Variants in ANKS1A observed in about 807,000 individuals in gnomAD.
ANKS1A encodes the protein ankyrin repeat and SAM domain-containing protein 1A.
In ANKS1A, 55 loss-of-function variants were observed where a neutral mutation model predicts 120.3. The ratio of observed to expected loss-of-function variants is 0.46; its 90% confidence interval spans 0.37 to 0.57. The LOEUF is 0.57. Ranked by LOEUF, ANKS1A falls within the 20% of genes least tolerant of loss-of-function variation. The pLI, the probability that ANKS1A is intolerant of heterozygous loss-of-function variation, is 0.00. For missense variants in ANKS1A, 1,123 were observed against 1,480.3 expected, an observed-to-expected ratio of 0.76 and a Z score of 3.96; for synonymous variants, 590 against 604.7, an observed-to-expected ratio of 0.98 and a Z score of 0.36.
rs1188264988 is a variant in ANKS1A at position 35,090,023 on chromosome 6, T to C, written c.*1414T>C. The C allele has an allele frequency of 4.1e-6, 5 of 1,225,122 alleles. No individual in the cohort carries two copies. Among genetic ancestry groups the C allele is most frequent in the Non-Finnish European group, 5.2e-6 (5 of 957,014 alleles). 75.9% of individuals were successfully genotyped at this position (1,225,122 alleles called of 1,614,324 possible). A position where few individuals can be genotyped will look rare whatever the true frequency, so the allele number is the denominator to read the frequency against. ...TACTGTTAGGCACATTCTTAACCCA[T>C]GTGGTTGGCCAGAAATCAGAAGTGG... On this transcript the variant is annotated 3_prime_UTR_variant, in exon 24 of 24. Transcript: ENST00000360359.
At chr6:34,921,030 G>A (rs774311432) in intron 1 of ANKS1A, among the ~76,000 whole-genome samples, 1 of 152,208 alleles carries the variant, frequency 6.6e-6, no homozygotes, top group Non-Finnish European at 1.5e-5. Context: ...AAAACAATGA[G>A]ACTATCATGC....
intron 14 of ANKS1A, 66 bp downstream of exon 14, chr6:35,078,722 G>A (rs1777500769): frequency 1.4e-6 from 2 of 1,471,938 alleles, no homozygotes; most frequent in Non-Finnish European, 9.4e-7. Context: ...AGCACCACCT[G>A]CACCAAGAAC....
At chr6:35,034,821 G>T (rs114603428) in intron 11 of ANKS1A, among the ~76,000 whole-genome samples, 5 of 152,212 alleles carry the variant, frequency 3.3e-5, no homozygotes, top group African/African-American at 1.2e-4. Context: ...AGCCTGAGCC[G>T]AGTGATGATT....
rs2127538963 is a variant in ANKS1A at position 34,994,559 on chromosome 6, G to C, written c.1423+137G>C. On this transcript the variant is annotated intron_variant, in intron 10 of 23. Transcript: ENST00000360359. ...GTTGGGTTTCACGATGATCTGGGATGGTGGGTCCATTATGGCTTTTCATTT... is the reference window on the plus strand; with the variant it reads ...GTTGGGTTTCACGATGATCTGGGATCGTGGGTCCATTATGGCTTTTCATTT... The C allele has an allele frequency of 2.3e-6, 3 of 1,326,942 alleles. No individual in the cohort carries two copies. In the East Asian group the frequency reaches 8.4e-5, roughly 37 times the overall value. The allele number at this position is 1,326,942 out of a possible 1,614,324, so 82.2% of individuals were successfully genotyped here. A position where few individuals can be genotyped will look rare whatever the true frequency, so the allele number is the denominator to read the frequency against.
intron 1 of ANKS1A, among the ~76,000 whole-genome samples, chr6:34,910,477 C>T (rs35057781): frequency 0.073 from 11,086 of 152,218 alleles, 610 homozygotes; most frequent in East Asian, 0.23. Context: ...GGGAGGATCA[C>T]TTGAGCCTCG....
In ANKS1A at chr6:35,057,771, T is replaced by G. The variant is rs74937820; in HGVS notation, c.2078-2376T>G. On this transcript the variant is annotated intron_variant, in intron 12 of 23. Coordinates refer to ENST00000360359, the MANE Select transcript of ANKS1A (RefSeq NM_015245.3). This position sits in a 1 kb window ranked among gnomAD's most constrained non-coding sequence, Gnocchi z 4.1. ...CTAAGGAACATCAAGTGTAACGGCC[T>G]TATTTCATTGCCTGTTTTTATAAGA... is the stretch of plus-strand genomic sequence containing the variant. Among the ~76,000 whole-genome samples, 7,189 of 152,306 alleles carry G rather than the reference T, an allele frequency of 0.047. 233 individuals are homozygous for G. The highest frequency in any genetic ancestry group is 0.078 in the Non-Finnish European group (5,281 of 68,026).
intron 1 of ANKS1A, among the ~76,000 whole-genome samples, chr6:34,943,296 CAG>C (rs1769623947): frequency 6.6e-6 from 1 of 152,172 alleles, no homozygotes; most frequent in Non-Finnish European, 1.5e-5. Flanking sequence ...TCAAAAAGTA[CAG>C]AGAGTTCCCA....
chr6:34,924,090 CGTGTGTGTGTGTGTGTGTGTGT>C (rs71794086), intron 1 of ANKS1A, among the ~76,000 whole-genome samples: 1 of 143,174 alleles, frequency 7.0e-6, no homozygotes, highest in African/African-American at 2.6e-5. Context: ...GGGGCTTTTT[CGTGTGTGTGTGTGTGTGTGTGT>C]GTGTGTGTGT....
intron 1 of ANKS1A, among the ~76,000 whole-genome samples, chr6:34,944,817 A>T (rs1329288020): frequency 6.6e-6 from 1 of 152,224 alleles, no homozygotes; most frequent in East Asian, 1.9e-4. Flanking sequence ...TATTTTGGAT[A>T]TATATCCTTT....
chr6:34,939,321 G>T (rs1336956114), intron 1 of ANKS1A, among the ~76,000 whole-genome samples: 2 of 152,138 alleles, frequency 1.3e-5, no homozygotes, highest in African/African-American at 4.8e-5. Flanking sequence ...CCTCACTGGA[G>T]TGATTTCACA....
chr6:35,088,182 G>A (rs949434468), intron 23 of ANKS1A, among the ~76,000 whole-genome samples: 5 of 152,232 alleles, frequency 3.3e-5, no homozygotes, highest in Non-Finnish European at 5.9e-5. Flanking sequence ...AGGAGAGGCC[G>A]TCCCATCGCA....
At chr6:34,981,567 TA>T in intron 3 of ANKS1A, 122 bp from the exon 4 acceptor site, 1 of 1,061,374 alleles carries the variant, frequency 9.4e-7, no homozygotes, top group Non-Finnish European at 1.3e-6. Flanking sequence ...CGACTTTTAT[TA>T]GCCCCCAAGT....
chr6:35,046,047 C>T lies in ANKS1A; in HGVS notation c.2011-8052C>T, dbSNP rs1056038240. On this transcript the variant is annotated intron_variant, in intron 11 of 23. Transcript: ENST00000360359. ...TCTAATTTTATTTGATTTCAGGAGA[C>T]AGAGGATACAAACATATTCTACTAG... 3.3e-5 allele frequency among the ~76,000 whole-genome samples: 5 copies of T among 152,154 alleles called. No individual in the cohort carries two copies. In the South Asian group the frequency reaches 1.0e-3, roughly 32 times the overall value.
Position 35,086,691 on chromosome 6 carries a change from G to A in ANKS1A, c.3304-261G>A, listed in dbSNP as rs1030683070. On this transcript the variant is annotated intron_variant, in intron 22 of 23. Coordinates refer to ENST00000360359, the MANE Select transcript of ANKS1A (RefSeq NM_015245.3). This position sits in a 1 kb window ranked among gnomAD's most constrained non-coding sequence, Gnocchi z 5.1. ...GTCTGGGGCTTAGAGCAGGAGGCCC[G>A]CCTAGGACAGGGGTCCTTTAACTGA... Among the ~76,000 whole-genome samples the A allele has an allele frequency of 3.3e-5, 5 of 152,150 alleles. No individual in the cohort carries two copies. Among genetic ancestry groups the A allele is most frequent in the Non-Finnish European group, 5.9e-5 (4 of 68,014 alleles).
intron 1 of ANKS1A, among the ~76,000 whole-genome samples, chr6:34,905,498 A>C (rs915132574): frequency 2.7e-5 from 4 of 150,696 alleles, no homozygotes; most frequent in Middle Eastern, 3.4e-3. Context: ...TTGAGCACTT[A>C]ATACTTTGTC....
chr6:34,891,042 G>A (rs573100622), intron 1 of ANKS1A, among the ~76,000 whole-genome samples: 2 of 152,308 alleles, frequency 1.3e-5, no homozygotes, highest in South Asian at 4.1e-4. Context: ...AATGGATGGT[G>A]GATGGTATTA....
At chr6:34,913,669 C>T (rs1768010405) in intron 1 of ANKS1A, among the ~76,000 whole-genome samples, 1 of 152,096 alleles carries the variant, frequency 6.6e-6, no homozygotes, top group African/African-American at 2.4e-5. Context: ...CAGAGTTTTG[C>T]TCTGTTGCCC....
chr6:34,985,693 G>A (rs1772158452), intron 8 of ANKS1A, among the ~76,000 whole-genome samples: 2 of 152,190 alleles, frequency 1.3e-5, no homozygotes, highest in South Asian at 4.1e-4. Context: ...CTGAGTGTAT[G>A]CTTACTATCC....
chr6:34,983,884 C>T (rs1482615403), intron 7 of ANKS1A, among the ~76,000 whole-genome samples: 4 of 150,316 alleles, frequency 2.7e-5, no homozygotes, highest in East Asian at 2.0e-4. Flanking sequence ...CTCTGCCTCC[C>T]GGGTTCAAAT....
Sources: allele counts gnomAD v4.1 joint callset (sites outside exome capture counted in the v4.1 genomes callset), GRCh38; gene constraint gnomAD v4.1.1; non-coding constraint Gnocchi (gnomAD v3.1); transcripts MANE v1.5; gene names NCBI Gene and HGNC (gene_info 2026-07-23, HGNC 2026-07-21).